The following KCNT2 variants were observed in gnomAD, a reference collection of about 807,000 sequenced individuals.
KCNT2 encodes potassium sodium-activated channel subfamily T member 2.
In KCNT2, 67 loss-of-function variants were observed where a neutral mutation model predicts 153.8. That is an observed-to-expected ratio of 0.44 (90% CI 0.36 to 0.53). The LOEUF is 0.53. Among genes scored for constraint, KCNT2 ranks in the 20% least tolerant of loss-of-function variants. The probability of loss-of-function intolerance (pLI) is 0.00; values close to 1 mark genes in which losing one functional copy is unlikely to be tolerated. For missense variants in KCNT2, 975 were observed against 1,354.8 expected, an observed-to-expected ratio of 0.72 and a Z score of 4.40; for synonymous variants, 500 against 458.8, an observed-to-expected ratio of 1.09 and a Z score of -1.15.
At chr1:196,494,556 G>GC (rs1322091473) in intron 1 of KCNT2, among the ~76,000 whole-genome samples, 1 of 152,004 alleles carries the variant, frequency 6.6e-6, no homozygotes, top group Non-Finnish European at 1.5e-5. Flanking sequence ...CAGCCACCAT[G>GC]CCGTGTTAGT....
rs1245001840 is a variant in KCNT2, at chr1:196,228,132, A to T, written c.*92T>A. On this transcript the variant is annotated 3_prime_UTR_variant, in exon 28 of 28. Coordinates refer to ENST00000294725, the MANE Select transcript of KCNT2 (RefSeq NM_198503.5). ...ACGTTTTTAAATATGAGAGAATTAC[A>T]TATATTTCCATCTAGTTTCTTTCGT... 2 of 682,232 alleles carry T rather than the reference A, an allele frequency of 2.9e-6. No homozygotes were observed. Among genetic ancestry groups the T allele is most frequent in the Admixed American group, 5.2e-5 (2 of 38,282 alleles). The allele number at this position is 682,232 out of a possible 1,614,324, so 42.3% of individuals were successfully genotyped here.
At chr1:196,361,647 G>A (rs1415350020) in intron 14 of KCNT2, among the ~76,000 whole-genome samples, 1 of 152,064 alleles carries the variant, frequency 6.6e-6, no homozygotes. Flanking sequence ...CCACTTTGCT[G>A]CAGTCAGAAA....
chr1:196,270,920 A>G (rs1319862172), intron 25 of KCNT2, among the ~76,000 whole-genome samples: 1 of 151,888 alleles, frequency 6.6e-6, no homozygotes, highest in East Asian at 1.9e-4. Flanking sequence ...CCTTCACTAT[A>G]TTATAGTCCA....
chr1:196,561,907 T>C (rs1244082102), intron 1 of KCNT2, among the ~76,000 whole-genome samples: 2 of 151,824 alleles, frequency 1.3e-5, no homozygotes, highest in Non-Finnish European at 2.9e-5. Context: ...GATTAAAAGA[T>C]TTGGCAACTG....
chr1:196,319,916 C>T (rs971978346), intron 19 of KCNT2, among the ~76,000 whole-genome samples: 1 of 151,628 alleles, frequency 6.6e-6, no homozygotes, highest in African/African-American at 2.4e-5. Flanking sequence ...AAAACTAATG[C>T]ATTTTTTTAG....
intron 8 of KCNT2, among the ~76,000 whole-genome samples, chr1:196,448,804 T>C (rs764770952): frequency 1.3e-5 from 2 of 151,684 alleles, no homozygotes; most frequent in Non-Finnish European, 3.0e-5. Flanking sequence ...ATCTAATGAC[T>C]TTTTTTGTTT....
chr1:196,524,017 T>C (rs1424458246), intron 1 of KCNT2, among the ~76,000 whole-genome samples: 1 of 152,208 alleles, frequency 6.6e-6, no homozygotes, highest in East Asian at 1.9e-4. Context: ...TCTATGATTA[T>C]CAAGTTGCTC....
In KCNT2 at chr1:196,426,538, C is replaced by T. The variant is rs142592378; in HGVS notation, c.985-550G>A. ...AAATGAACATGATATCAAAATATTA[C>T]AAAATATATGGTCCTTTGGAGAAAA... On this transcript the variant is annotated intron_variant, in intron 10 of 27. Transcript: ENST00000294725. 5.1e-3 allele frequency among the ~76,000 whole-genome samples: 777 copies of T among 151,864 alleles called. 6 individuals are homozygous for T. Among genetic ancestry groups the T allele is most frequent in the African/African-American group, 0.018 (747 of 41,446 alleles).
intron 8 of KCNT2, among the ~76,000 whole-genome samples, chr1:196,460,653 C>T (rs538665768): frequency 1.3e-3 from 193 of 151,528 alleles, no homozygotes; most frequent in African/African-American, 4.5e-3. Flanking sequence ...TGACCATATT[C>T]CATAATTTAG....
chr1:196,379,565 TTCTCTCTCTCTCTC>T (rs67709356), intron 13 of KCNT2, among the ~76,000 whole-genome samples: 91 of 136,242 alleles, frequency 6.7e-4, no homozygotes, highest in South Asian at 4.1e-3. Context: ...CAGTGAGACT[TTCTCTCTCTCTCTC>T]TCTCTCTCTC....
At chr1:196,314,313 A>AT (rs1392339915) in intron 21 of KCNT2, among the ~76,000 whole-genome samples, 1 of 151,532 alleles carries the variant, frequency 6.6e-6, no homozygotes, top group African/African-American at 2.4e-5. Flanking sequence ...AAAAAGCATG[A>AT]TTTTTACCCT....
At chr1:196,284,571 T>C (rs1165927895) in intron 23 of KCNT2, among the ~76,000 whole-genome samples, 1 of 151,916 alleles carries the variant, frequency 6.6e-6, no homozygotes, top group African/African-American at 2.4e-5. Context: ...GTTTCAACAC[T>C]GCTCTTCAAA....
intron 12 of KCNT2, among the ~76,000 whole-genome samples, chr1:196,413,170 C>T (rs1415107014): frequency 6.6e-6 from 1 of 151,346 alleles, no homozygotes; most frequent in African/African-American, 2.4e-5. Context: ...ATGTGTATGC[C>T]ATTTGAATAG....
At chr1:196,492,575 A>G (rs1679941880) in intron 1 of KCNT2, among the ~76,000 whole-genome samples, 1 of 152,168 alleles carries the variant, frequency 6.6e-6, no homozygotes, top group Admixed American at 6.5e-5. Flanking sequence ...ACTTTTAAAG[A>G]TAGAATCATT....
chr1:196,373,755 G>T (rs925538155), intron 13 of KCNT2, among the ~76,000 whole-genome samples: 2 of 151,766 alleles, frequency 1.3e-5, no homozygotes, highest in Non-Finnish European at 2.9e-5. Context: ...TAGCATAGAA[G>T]AAATATATTT....
intron 18 of KCNT2, among the ~76,000 whole-genome samples, chr1:196,328,958 A>G (rs1028510492): frequency 1.3e-5 from 2 of 152,164 alleles, no homozygotes; most frequent in Admixed American, 6.6e-5. Context: ...GAAAGAGATC[A>G]TGCATGCAAC....
intron 14 of KCNT2, among the ~76,000 whole-genome samples, chr1:196,366,373 A>G (rs569146063): frequency 3.3e-5 from 5 of 151,878 alleles, no homozygotes; most frequent in Non-Finnish European, 7.4e-5. Context: ...TGATCATGCC[A>G]GGCTCAAATG....
At chr1:196,235,462 A>G (rs1654346962) in intron 27 of KCNT2, among the ~76,000 whole-genome samples, 1 of 151,516 alleles carries the variant, frequency 6.6e-6, no homozygotes, top group Non-Finnish European at 1.5e-5. Context: ...TGTAAATTGT[A>G]GCTTTGTTAA....
At chr1:196,576,340 A>C (rs1661383859) in intron 1 of KCNT2, among the ~76,000 whole-genome samples, 2 of 152,106 alleles carry the variant, frequency 1.3e-5, no homozygotes, top group South Asian at 2.1e-4. Context: ...AATTATCCAA[A>C]AAGACAAGCA....
Sources: allele counts gnomAD v4.1 joint callset (sites outside exome capture counted in the v4.1 genomes callset), GRCh38; gene constraint gnomAD v4.1.1; transcripts MANE v1.5; gene names NCBI Gene and HGNC (gene_info 2026-07-23, HGNC 2026-07-21).